Variants in CNTNAP5 observed in about 807,000 individuals in gnomAD.
The protein encoded by CNTNAP5 is contactin associated protein family member 5.
A neutral mutation model predicts 150.2 loss-of-function variants in CNTNAP5; 72 were observed. That is an observed-to-expected ratio of 0.48 (90% CI 0.40 to 0.58). The LOEUF (loss-of-function observed/expected upper bound fraction) is 0.58. CNTNAP5 is among the 20% of genes least tolerant of loss of function. CNTNAP5 has a pLI of 0.00. For synonymous variants in CNTNAP5, 672 were observed against 619.8 expected (o/e 1.08, Z -1.25); for missense variants, 1,636 against 1,626.2 (o/e 1.01, Z -0.10).
At chr2:124,859,181 G>C in intron 19 of CNTNAP5, among the ~76,000 whole-genome samples, 1 of 151,698 alleles carries the variant, frequency 6.6e-6, no homozygotes, top group African/African-American at 2.4e-5. Flanking sequence ...CTAATATCCA[G>C]AATCTACAAT....
intron 2 of CNTNAP5, among the ~76,000 whole-genome samples, chr2:124,225,730 T>C (rs1686441382): frequency 6.6e-6 from 1 of 152,164 alleles, no homozygotes; most frequent in Non-Finnish European, 1.5e-5. Flanking sequence ...AGAGAATGTA[T>C]TCATATTAGA....
At chr2:124,484,541 A>G (rs1213243813) in intron 7 of CNTNAP5, among the ~76,000 whole-genome samples, 1 of 152,186 alleles carries the variant, frequency 6.6e-6, no homozygotes, top group Non-Finnish European at 1.5e-5. Context: ...TTACATATAT[A>G]AAGTGACTCC....
At chr2:124,157,676 CA>C (rs1405548298) in intron 1 of CNTNAP5, among the ~76,000 whole-genome samples, 1 of 152,124 alleles carries the variant, frequency 6.6e-6, no homozygotes, top group African/African-American at 2.4e-5. Flanking sequence ...TGTGCTTAAT[CA>C]TTCATAATCT....
At chr2:124,362,826 C>A (rs1690253764) in intron 3 of CNTNAP5, among the ~76,000 whole-genome samples, 1 of 152,190 alleles carries the variant, frequency 6.6e-6, no homozygotes, top group African/African-American at 2.4e-5. Flanking sequence ...CATGAGCACA[C>A]ACCACACTCT....
intron 3 of CNTNAP5, among the ~76,000 whole-genome samples, chr2:124,278,802 T>C (rs1046144927): frequency 6.6e-6 from 1 of 152,198 alleles, no homozygotes; most frequent in African/African-American, 2.4e-5. Context: ...CTTTCCTCCT[T>C]TTCCAATCCT....
chr2:124,503,449 T>A (rs1238409712), intron 7 of CNTNAP5, among the ~76,000 whole-genome samples: 1 of 152,228 alleles, frequency 6.6e-6, no homozygotes, highest in Non-Finnish European at 1.5e-5. Context: ...CCTTGTGGGA[T>A]CCTTACCTTT....
Position 124,772,840 on chromosome 2 carries a change from C to A in CNTNAP5, c.2575C>A (p.Pro859Thr). 6.2e-7 allele frequency: 1 copy of A among 1,613,736 alleles called. No homozygotes were observed. The change falls in exon 17 of 24, where the codon CCT (proline) becomes ACT (threonine). Residue 859 changes from proline (P) to threonine (T), a missense_variant. Physicochemically the swap from Pro to Thr is conservative, Grantham distance 38. Transcript: ENST00000682447. ...CTTTGCCATCGATGTTGGGAATGGT[C>A]CTGTGGAGCTTGTAGTCCAGTCTCC... ...ITFAIDVGNG[P>T]VELVVQSPSL...
At position 124,833,428 on chromosome 2, in the gene CNTNAP5, A is replaced by G. The variant is rs1255883729; in HGVS notation, c.3218-31878A>G. Among the ~76,000 whole-genome samples, 4 of 152,238 alleles carry G rather than the reference A, an allele frequency of 2.6e-5. No homozygotes were observed. The East Asian group carries it at 7.8e-4, about 30-fold the overall frequency. ...GCTCTGGGTCCCCACAATGTTCCAAATGGTCCTTATCTGTATACTATGGGT... is the reference window on the plus strand; with the variant it reads ...GCTCTGGGTCCCCACAATGTTCCAAGTGGTCCTTATCTGTATACTATGGGT... On this transcript the variant is annotated intron_variant, in intron 19 of 23. Transcript: ENST00000682447.
intron 7 of CNTNAP5, among the ~76,000 whole-genome samples, chr2:124,481,506 T>C (rs2104840259): frequency 6.6e-6 from 1 of 152,300 alleles, no homozygotes; most frequent in South Asian, 2.1e-4. Flanking sequence ...AAAATATTTC[T>C]ATATAAAATG....
intron 3 of CNTNAP5, among the ~76,000 whole-genome samples, chr2:124,301,578 C>G (rs1221287514): frequency 2.6e-5 from 4 of 152,212 alleles, no homozygotes; most frequent in African/African-American, 7.2e-5. Flanking sequence ...ACATTATACT[C>G]CACAAAAGAA....
chr2:124,650,565 A>T (rs1678300158), intron 13 of CNTNAP5, among the ~76,000 whole-genome samples: 1 of 152,182 alleles, frequency 6.6e-6, no homozygotes, highest in African/African-American at 2.4e-5. Context: ...CCAAGGACAG[A>T]AGCAGAGGAG....
chr2:124,347,644 T>G (rs529734554), intron 3 of CNTNAP5, among the ~76,000 whole-genome samples: 1 of 152,342 alleles, frequency 6.6e-6, no homozygotes, highest in East Asian at 1.9e-4. Context: ...TATGGTTGCC[T>G]ACCTGACTGA....
Position 124,647,948 on chromosome 2 carries a change from C to T in CNTNAP5, c.2067C>T (p.Leu689=). 1.3e-6 allele frequency: 2 copies of T among 1,599,376 alleles called. No homozygotes were observed. Among genetic ancestry groups the T allele is most frequent in the African/African-American group, 1.3e-5 (1 of 74,760 alleles). The part of the protein sequence containing the change: ...VAYHCRRSRL[L]NTPDGTPFTW... ...ACCACTGCAGGAGGTCCCGCCTGCT[C>T]AACACGCCGGGTAAGGCCTCTGCAT... The change falls in exon 13 of 24, where the codon CTC becomes CTT. Residue 689 remains leucine (L), a synonymous_variant. Coordinates refer to ENST00000682447, the MANE Select transcript of CNTNAP5 (RefSeq NM_001367498.1).
intron 19 of CNTNAP5, among the ~76,000 whole-genome samples, chr2:124,826,428 G>C (rs932928983): frequency 2.0e-5 from 3 of 151,982 alleles, no homozygotes; most frequent in Admixed American, 1.3e-4. Flanking sequence ...AGAGAAGGTG[G>C]GGAATTAGAT....
chr2:124,371,402 A>AT (rs1466547114), intron 3 of CNTNAP5, among the ~76,000 whole-genome samples: 2 of 152,110 alleles, frequency 1.3e-5, no homozygotes, highest in East Asian at 3.9e-4. Context: ...GATATGGTAG[A>AT]TTTTCTCAAA....
chr2:124,340,313 T>C (rs1289279769), intron 3 of CNTNAP5, among the ~76,000 whole-genome samples: 1 of 152,170 alleles, frequency 6.6e-6, no homozygotes, highest in East Asian at 1.9e-4. Flanking sequence ...TTTGTGAAGA[T>C]GGTTTCATGT....
At position 124,898,525 on chromosome 2, in the gene CNTNAP5, T is replaced by C. The variant is rs190984183; in HGVS notation, c.3437-4357T>C. ...TCTCTGGCATCACAGATCTACTAGA[T>C]TTAATAGAGGAGCATAGCTTTACTT... is the stretch of plus-strand genomic sequence containing the variant. On this transcript the variant is annotated intron_variant, in intron 21 of 23. Transcript: ENST00000682447. 1.4e-3 allele frequency among the ~76,000 whole-genome samples: 209 copies of C among 151,656 alleles called. 8 individuals are homozygous for C. The highest frequency in any genetic ancestry group is 5.0e-3 in the African/African-American group (203 of 41,006).
chr2:124,605,390 G>T (rs1697080413), intron 11 of CNTNAP5, among the ~76,000 whole-genome samples: 2 of 152,206 alleles, frequency 1.3e-5, no homozygotes. Flanking sequence ...ATGCTAGCAG[G>T]ATCCTCTCTG....
intron 12 of CNTNAP5, among the ~76,000 whole-genome samples, chr2:124,625,197 T>C (rs958093379): frequency 2.6e-5 from 4 of 152,180 alleles, no homozygotes; most frequent in African/African-American, 7.2e-5. Flanking sequence ...GGAAGTAGCC[T>C]TGAAGGGTGA....
Sources: gnomAD v4.1 joint callset for allele counts (sites outside exome capture counted in the v4.1 genomes callset) on GRCh38, gnomAD v4.1.1 for gene constraint, MANE v1.5 for transcripts, NCBI Gene and HGNC (gene_info 2026-07-23, HGNC 2026-07-21) for gene names.